The following PRR12 variants were observed in gnomAD, a reference collection of about 807,000 sequenced individuals.
The protein encoded by PRR12 is proline rich 12, also known as proline-rich protein 12.
In PRR12, 12 loss-of-function variants were observed where a neutral mutation model predicts 138.0. The observed-to-expected ratio is 0.09, with a 90% CI of 0.06 to 0.14. The LOEUF (loss-of-function observed/expected upper bound fraction) is 0.14. Among genes scored for constraint, PRR12 ranks in the 10% least tolerant of loss-of-function variants. The pLI, the probability that PRR12 is intolerant of heterozygous loss-of-function variation, is 1.00. For missense variants in PRR12, 2,692 were observed against 2,861.3 expected, an observed-to-expected ratio of 0.94 and a Z score of 1.35; for synonymous variants, 1,567 against 1,291.7, an observed-to-expected ratio of 1.21 and a Z score of -4.57.
Position 49,624,939 on chromosome 19 carries a change from C to G in PRR12, c.5817C>G (p.Pro1939=). The G allele has an allele frequency of 1.3e-6, 2 of 1,599,032 alleles. No individual in the cohort carries two copies. Among genetic ancestry groups the G allele is most frequent in the Non-Finnish European group, 1.7e-6 (2 of 1,171,842 alleles). Residue 1939 remains proline, a synonymous_variant, in exon 12 of 14, where the codon CCC becomes CCG. Transcript: ENST00000418929. ...TGCGGCTGCGGCCTGCTGGGGAACCCTACAACCGCAAGACGCTCAGCAAGC... is the reference window on the plus strand; with the variant it reads ...TGCGGCTGCGGCCTGCTGGGGAACCGTACAACCGCAAGACGCTCAGCAAGC... ...GAVRLRPAGE[P]YNRKTLSKLK...
intron 1 of PRR12, among the ~76,000 whole-genome samples, chr19:49,592,864 C>A (rs1416730923): frequency 6.6e-6 from 1 of 152,120 alleles, no homozygotes; most frequent in Non-Finnish European, 1.5e-5. Flanking sequence ...TGTTCTGCAC[C>A]ACCCCATGAA....
rs977735748 is a variant in PRR12, at chr19:49,597,623, C to T, written c.3288C>T (p.Ala1096=). ...TCCAGACCCCCAAGAAGCTGTACGCCCAGGAGTACGAGTTCGAGGCGGACG... is the reference window on the plus strand; with the variant it reads ...TCCAGACCCCCAAGAAGCTGTACGCTCAGGAGTACGAGTTCGAGGCGGACG... The part of the protein sequence containing the change: ...PPFQTPKKLY[A]QEYEFEADED... The change falls in exon 4 of 14, where the codon GCC becomes GCT. Residue 1096 remains alanine, a synonymous_variant. Transcript: ENST00000418929. This position sits in a 1 kb window ranked among gnomAD's most constrained non-coding sequence, Gnocchi z 6.3. 23 of 1,610,184 alleles carry T rather than the reference C, an allele frequency of 1.4e-5. No individual in the cohort carries two copies. Among genetic ancestry groups the T allele is most frequent in the Non-Finnish European group, 2.0e-5 (23 of 1,178,962 alleles).
rs1355091112 is a variant in PRR12 at position 49,597,934 on chromosome 19, CCCGGGG to C, written c.3609_3614del (p.Gly1208_Arg1209del). 1 of 1,404,272 alleles carries C rather than the reference CCCGGGG, an allele frequency of 7.1e-7. No individual in the cohort carries two copies. 87.0% of individuals were successfully genotyped at this position (1,404,272 alleles called of 1,614,324 possible). A position where few individuals can be genotyped will look rare whatever the true frequency, so the allele number is the denominator to read the frequency against. On this transcript the variant is annotated inframe_deletion, in exon 4 of 14. Coordinates refer to ENST00000418929, the MANE Select transcript of PRR12 (RefSeq NM_020719.3). The surrounding 1 kb of genome is among the most constrained non-coding windows in gnomAD (Gnocchi z 6.3). The stretch of plus-strand genomic sequence containing the variant: ...ACGCCCACCGATGGCGCCAAGAAAC[CCCGGGG>C]CCGGGGCCGAGGCCGGGGTCGAAAG...
At chr19:49,618,817 A>G (rs1473845950) in intron 9 of PRR12, among the ~76,000 whole-genome samples, 1 of 141,438 alleles carries the variant, frequency 7.1e-6, no homozygotes, top group African/African-American at 2.7e-5. Context: ...GCCCTGCCCC[A>G]CCTTCATTCG....
At chr19:49,611,661 C>T (rs1449526185) in intron 6 of PRR12, among the ~76,000 whole-genome samples, 2 of 147,200 alleles carry the variant, frequency 1.4e-5, no homozygotes, top group Non-Finnish European at 2.9e-5. Flanking sequence ...CGGTGGCTCA[C>T]GCCTGTAATC....
At position 49,594,085 on chromosome 19, in the gene PRR12, T is replaced by G. The variant is rs2080747887; in HGVS notation, c.200-369T>G. 6.6e-6 allele frequency among the ~76,000 whole-genome samples: 1 copy of G among 152,190 alleles called. No homozygotes were observed. The highest frequency in any genetic ancestry group is 1.5e-5 in the Non-Finnish European group (1 of 68,040). ...TTTCTTAGACTTCATTGTCCCATCC[T>G]TTCCTCTTCCTTGCTGGAAATATCC... On this transcript the variant is annotated intron_variant, in intron 2 of 13. Coordinates refer to ENST00000418929, the MANE Select transcript of PRR12 (RefSeq NM_020719.3). The surrounding 1 kb of genome is among the most constrained non-coding windows in gnomAD (Gnocchi z 5.6).
At chr19:49,618,717 C>A (rs1972840103) in intron 9 of PRR12, among the ~76,000 whole-genome samples, 1 of 152,026 alleles carries the variant, frequency 6.6e-6, no homozygotes, top group South Asian at 2.1e-4. Context: ...ACCTGTCGCC[C>A]CCACAGCTGG....
At chr19:49,600,726 T>G (rs192451676) in intron 5 of PRR12, among the ~76,000 whole-genome samples, 4 of 151,574 alleles carry the variant, frequency 2.6e-5, no homozygotes, top group African/African-American at 9.7e-5. Context: ...ACAGGGTCTC[T>G]CTATGTCACC....
At position 49,594,430 on chromosome 19, in the gene PRR12, A is replaced by C. The variant is rs1400389632; in HGVS notation, c.200-24A>C. 4 of 1,527,782 alleles carry C rather than the reference A, an allele frequency of 2.6e-6. 1 individual carries two copies. In the South Asian group the frequency reaches 3.8e-5, roughly 15 times the overall value. 94.6% of individuals were successfully genotyped at this position (1,527,782 alleles called of 1,614,324 possible). A position where few individuals can be genotyped will look rare whatever the true frequency, so the allele number is the denominator to read the frequency against. On this transcript the variant is annotated intron_variant, in intron 2 of 13. Coordinates refer to ENST00000418929, the MANE Select transcript of PRR12 (RefSeq NM_020719.3). The surrounding 1 kb of genome is among the most constrained non-coding windows in gnomAD (Gnocchi z 5.6). ...TATCCTACCCACCCCCACCTGGCTG[A>C]CTATAACCCCTGTCCCCGGCCAGGC... is the stretch of plus-strand genomic sequence containing the variant.
chr19:49,622,687 C>T (rs149036476), intron 11 of PRR12, among the ~76,000 whole-genome samples: 3,847 of 149,186 alleles, frequency 0.026, 66 homozygotes, highest in South Asian at 0.11. Context: ...GTCAGGAGAT[C>T]GAGACCATCC....
At chr19:49,605,782 C>T (rs746566191) in intron 6 of PRR12, among the ~76,000 whole-genome samples, 36 of 152,246 alleles carry the variant, frequency 2.4e-4, no homozygotes, top group Non-Finnish European at 4.6e-4. Context: ...CACCTCCCAG[C>T]TGGCACGGGG....
At position 49,594,773 on chromosome 19, in the gene PRR12, T is replaced by C; in HGVS notation, c.438T>C (p.Ser146=). 1 of 1,613,474 alleles carries C rather than the reference T, an allele frequency of 6.2e-7. No homozygotes were observed. The highest frequency in any genetic ancestry group is 8.5e-7 in the Non-Finnish European group (1 of 1,179,800). ...GTTCCAGCACCTTTCCGTCCTCATC[T>C]GCCCTGTCGGCTTACCAACACCCGG... ...LPGSSTFPSS[S]ALSAYQHPAS... is the part of the protein sequence containing the mutation. The change falls in exon 4 of 14, where the codon TCT becomes TCC. Residue 146 remains serine, a synonymous_variant. Transcript: ENST00000418929. This position sits in a 1 kb window ranked among gnomAD's most constrained non-coding sequence, Gnocchi z 5.6.
rs760770592 is a variant in PRR12, at chr19:49,594,614, A to T, written c.360A>T (p.Thr120=). Reference sequence around the variant, plus strand: ...AGTTCCGCAGTCCTTCCTGGCAAACAGGTAAGCCCAGCGCCGGCCCTGCAG... The same window carrying T: ...AGTTCCGCAGTCCTTCCTGGCAAACTGGTAAGCCCAGCGCCGGCCCTGCAG... The part of the protein sequence containing the change: ...LSQFRSPSWQ[T]AMHTPGPTEL... Residue 120 remains threonine, a splice_region_variant and synonymous_variant, in exon 3 of 14, where the codon ACA becomes ACT. Coordinates refer to ENST00000418929, the MANE Select transcript of PRR12 (RefSeq NM_020719.3). This position sits in a 1 kb window ranked among gnomAD's most constrained non-coding sequence, Gnocchi z 5.6. The T allele has an allele frequency of 1.9e-6, 3 of 1,611,688 alleles. No homozygotes were observed. Among genetic ancestry groups the T allele is most frequent in the Non-Finnish European group, 2.5e-6 (3 of 1,179,496 alleles).
At chr19:49,606,261 C>G (rs931273262) in intron 6 of PRR12, among the ~76,000 whole-genome samples, 1 of 152,048 alleles carries the variant, frequency 6.6e-6, no homozygotes, top group Non-Finnish European at 1.5e-5. Flanking sequence ...GTCTCAGCCT[C>G]CCAAAGTGCT....
In PRR12 at chr19:49,599,704, A is replaced by C; in HGVS notation, c.4111A>C (p.Lys1371Gln). 6.2e-7 allele frequency: 1 copy of C among 1,613,500 alleles called. No homozygotes were observed. The highest frequency in any genetic ancestry group is 8.5e-7 in the Non-Finnish European group (1 of 1,179,860). ...SPCKRLDEELKRNLETLPSFS... is the reference protein window; with the variant it reads ...SPCKRLDEELQRNLETLPSFS... ...CTGCAAGCGGCTTGATGAGGAGCTGAAGCGGAACCTCGAGACGCTGCCCTC... is the reference window on the plus strand; with the variant it reads ...CTGCAAGCGGCTTGATGAGGAGCTGCAGCGGAACCTCGAGACGCTGCCCTC... The change falls in exon 5 of 14, where the codon AAG (lysine) becomes CAG (glutamine). Residue 1371 changes from lysine (K) to glutamine (Q), a missense_variant. By Grantham distance (53) the Lys-to-Gln change is moderately conservative. This residue lies in a region of PRR12 where 22 missense variants were observed against 59.2 expected (regional missense o/e 0.37). Transcript: ENST00000418929. This position sits in a 1 kb window ranked among gnomAD's most constrained non-coding sequence, Gnocchi z 5.0.
Position 49,622,752 on chromosome 19 carries a change from C to T in PRR12, c.5721+1130C>T, listed in dbSNP as rs532000191. On this transcript the variant is annotated intron_variant, in intron 11 of 13. Transcript: ENST00000418929. ...TGAAAATACAAAAAAATTAGCTGGGCGTGGTGGCGGGCGCCTGTAGTCCCA... is the reference window on the plus strand; with the variant it reads ...TGAAAATACAAAAAAATTAGCTGGGTGTGGTGGCGGGCGCCTGTAGTCCCA... 4.6e-5 allele frequency among the ~76,000 whole-genome samples: 7 copies of T among 150,562 alleles called. No individual in the cohort carries two copies. In the East Asian group the frequency reaches 9.7e-4, roughly 21 times the overall value.
At chr19:49,622,958 A>AGAGAGAG (rs1568432817) in intron 11 of PRR12, among the ~76,000 whole-genome samples, 1 of 94,476 alleles carries the variant, frequency 1.1e-5, no homozygotes, top group African/African-American at 5.1e-5. Flanking sequence ...GAGAGAGAGA[A>AGAGAGAG]AGAGAGAGAG....
intron 6 of PRR12, among the ~76,000 whole-genome samples, chr19:49,612,587 C>T (rs1458883502): frequency 6.6e-6 from 1 of 152,088 alleles, no homozygotes; most frequent in Non-Finnish European, 1.5e-5. Flanking sequence ...TGAGAGGTCA[C>T]CAACACCGGG....
In PRR12 at chr19:49,623,328, G is replaced by A. The variant is rs771553930; in HGVS notation, c.5722-1516G>A. ...AGTATGTGTTATTAGTCGGGAGTTA[G>A]AATTCTGGGATAGATGGCTGGGCGC... On this transcript the variant is annotated intron_variant, in intron 11 of 13. Transcript: ENST00000418929. 4.6e-5 allele frequency among the ~76,000 whole-genome samples: 7 copies of A among 152,146 alleles called. No individual in the cohort carries two copies. In the East Asian group the frequency reaches 1.4e-3, roughly 29 times the overall value.
Sources: gnomAD v4.1 joint callset for allele counts (sites outside exome capture counted in the v4.1 genomes callset) on GRCh38, gnomAD v4.1.1 for gene constraint, gnomAD v4.1.1 regional missense constraint, Gnocchi (gnomAD v3.1) non-coding constraint, MANE v1.5 for transcripts, NCBI Gene and HGNC (gene_info 2026-07-23, HGNC 2026-07-21) for gene names.